GALNT13: variants seen among roughly 807,000 people sequenced by gnomAD.
GALNT13 encodes the protein polypeptide N-acetylgalactosaminyltransferase 13, also known as UDP-GalNAc:polypeptide N-acetylgalactosaminyltransferase 13.
Under a neutral mutation model 64.2 loss-of-function variants are expected in GALNT13, and 28 were observed. The ratio of observed to expected loss-of-function variants is 0.44; its 90% CI spans 0.32 to 0.60. The LOEUF (loss-of-function observed/expected upper bound fraction) is 0.60, where lower values mean the gene tolerates loss of function less well. Ranked by LOEUF, GALNT13 falls within the 20% of genes least tolerant of loss-of-function variation. The probability of loss-of-function intolerance (pLI) is 0.05; values close to 1 mark genes in which losing one functional copy is unlikely to be tolerated. For synonymous variants in GALNT13, 214 were observed against 224.6 expected, an observed-to-expected ratio of 0.95 and a Z score of 0.42; for missense variants, 577 against 669.8, an observed-to-expected ratio of 0.86 and a Z score of 1.53.
intron 12 of GALNT13, among the ~76,000 whole-genome samples, chr2:154,447,242 G>A (rs1701636670): frequency 6.6e-6 from 1 of 151,816 alleles, no homozygotes; most frequent in Non-Finnish European, 1.5e-5. Flanking sequence ...CCTTTCTAAA[G>A]TATCTTATTA....
At chr2:153,932,070 C>G (rs1690567272) in intron 2 of GALNT13, among the ~76,000 whole-genome samples, 1 of 151,936 alleles carries the variant, frequency 6.6e-6, no homozygotes, top group African/African-American at 2.4e-5. Flanking sequence ...CTTCTGTTTT[C>G]TAGTCTGTGT....
chr2:154,062,951 T>A (rs1034943634), intron 3 of GALNT13, among the ~76,000 whole-genome samples: 1 of 152,130 alleles, frequency 6.6e-6, no homozygotes, highest in African/African-American at 2.4e-5. Flanking sequence ...AGCATCGATG[T>A]GATCTGCTTT....
chr2:154,154,526 A>C (rs1417701256), intron 4 of GALNT13, among the ~76,000 whole-genome samples: 1 of 152,226 alleles, frequency 6.6e-6, no homozygotes, highest in African/African-American at 2.4e-5. Context: ...ATTATATAAA[A>C]GGTATTATAG....
At chr2:153,509,188 T>A in the GALNT13 span, among the ~76,000 whole-genome samples, 1 of 152,216 alleles carries the variant, frequency 6.6e-6, no homozygotes, top group African/African-American at 2.4e-5. Flanking sequence ...CAGGTACTTT[T>A]GAGCCTGCGG....
Position 154,190,353 on chromosome 2 carries a change from A to C in GALNT13, c.311+49848A>C, listed in dbSNP as rs2105753302. On this transcript the variant is annotated intron_variant, in intron 4 of 12. Coordinates refer to ENST00000392825, the MANE Select transcript of GALNT13 (RefSeq NM_052917.4). The stretch of plus-strand genomic sequence containing the variant: ...AAAATATGTCTCTGTGAACAGCTAA[A>C]AGGTGAAAATAGGTATGTAGCTCTC... Among the ~76,000 whole-genome samples the C allele has an allele frequency of 1.3e-5, 2 of 152,322 alleles. 1 individual carries two copies. The highest frequency in any genetic ancestry group is 3.9e-4 in the East Asian group (2 of 5,180).
downstream of GALNT13, among the ~76,000 whole-genome samples, chr2:154,455,089 A>C (rs1702014024): frequency 6.6e-6 from 1 of 152,192 alleles, no homozygotes; most frequent in African/African-American, 2.4e-5. Flanking sequence ...GCTTAGAAAC[A>C]GTCTAATAAA....
At chr2:153,144,880 T>C in the GALNT13 span, among the ~76,000 whole-genome samples, 1 of 151,848 alleles carries the variant, frequency 6.6e-6, no homozygotes, top group African/African-American at 2.4e-5. Context: ...ATAAGAGGGG[T>C]TATATTAGAA....
chr2:153,124,169 C>G, the GALNT13 span, among the ~76,000 whole-genome samples: 1 of 152,088 alleles, frequency 6.6e-6, no homozygotes, highest in South Asian at 2.1e-4. Flanking sequence ...GGTACTAAAC[C>G]CTGTTAGGAT....
At chr2:153,116,319 A>G in the GALNT13 span, among the ~76,000 whole-genome samples, 3 of 152,188 alleles carry the variant, frequency 2.0e-5, no homozygotes, top group Admixed American at 1.3e-4. Context: ...AACAAAGTAA[A>G]TGAGACTGAT....
At chr2:154,182,021 G>A (rs1307816267) in intron 4 of GALNT13, among the ~76,000 whole-genome samples, 1 of 151,986 alleles carries the variant, frequency 6.6e-6, no homozygotes, top group Non-Finnish European at 1.5e-5. Flanking sequence ...AATACTCAGA[G>A]ATATTTAGGG....
chr2:153,605,929 C>T, the GALNT13 span, among the ~76,000 whole-genome samples: 1 of 151,956 alleles, frequency 6.6e-6, no homozygotes, highest in Admixed American at 6.6e-5. Flanking sequence ...AGGAATTTGG[C>T]AGGGAGGGTC....
intron 8 of GALNT13, among the ~76,000 whole-genome samples, chr2:154,277,418 T>C (rs1691709477): frequency 1.3e-5 from 2 of 151,908 alleles, no homozygotes; most frequent in South Asian, 4.1e-4. Context: ...ACGACTGCAA[T>C]AAATGTGCAA....
the GALNT13 span, among the ~76,000 whole-genome samples, chr2:153,712,564 G>A: frequency 1.1e-4 from 16 of 152,146 alleles, no homozygotes; most frequent in Non-Finnish European, 1.3e-4. Flanking sequence ...TTATGGTAGC[G>A]TAGAAAAGTC....
the GALNT13 span, among the ~76,000 whole-genome samples, chr2:153,745,697 G>A: frequency 8.5e-5 from 13 of 152,152 alleles, no homozygotes; most frequent in African/African-American, 2.9e-4. Context: ...ATCATAATTC[G>A]TTTGTTTGAA....
At chr2:153,247,850 A>T in the GALNT13 span, among the ~76,000 whole-genome samples, 1 of 152,222 alleles carries the variant, frequency 6.6e-6, no homozygotes, top group Admixed American at 6.5e-5. Context: ...AGAAGAATCG[A>T]ATAGAGACAA....
At chr2:153,852,158 AG>A in the GALNT13 span, among the ~76,000 whole-genome samples, 1 of 152,222 alleles carries the variant, frequency 6.6e-6, no homozygotes, top group Non-Finnish European at 1.5e-5. Context: ...TAGTAAACAA[AG>A]AATATAGTAC....
intron 1 of GALNT13, among the ~76,000 whole-genome samples, chr2:153,878,999 C>T (rs1422598391): frequency 6.6e-6 from 1 of 152,150 alleles, no homozygotes; most frequent in Non-Finnish European, 1.5e-5. Context: ...GTTCAGGTCC[C>T]ACTGATACAG....
chr2:153,542,768 A>T, the GALNT13 span, among the ~76,000 whole-genome samples: 5 of 152,214 alleles, frequency 3.3e-5, no homozygotes, highest in African/African-American at 1.2e-4. Flanking sequence ...CAGGAATCTG[A>T]CAAAAGTTTG....
At chr2:154,338,570 G>C (rs556949950) in intron 9 of GALNT13, among the ~76,000 whole-genome samples, 32 of 152,056 alleles carry the variant, frequency 2.1e-4, no homozygotes, top group Non-Finnish European at 4.4e-4. Context: ...GGCCACATGA[G>C]GCAGCCCCAC....
Sources: allele counts gnomAD v4.1 joint callset (sites outside exome capture counted in the v4.1 genomes callset), GRCh38; gene constraint gnomAD v4.1.1; transcripts MANE v1.5; gene names NCBI Gene and HGNC (gene_info 2026-07-23, HGNC 2026-07-21).